The following DCTN5 variants were observed in gnomAD, a reference collection of about 807,000 sequenced individuals.
DCTN5 encodes dynactin 4.
In DCTN5, 14 loss-of-function variants were observed where a neutral mutation model predicts 23.5. That is an observed-to-expected ratio of 0.60 (90% confidence interval 0.39 to 0.93). The LOEUF (loss-of-function observed/expected upper bound fraction) is 0.93. Among genes scored for constraint, DCTN5 ranks in the 40% least tolerant of loss-of-function variants. The probability of loss-of-function intolerance (pLI) is 0.00; values close to 1 mark genes in which losing one functional copy is unlikely to be tolerated. For missense variants in DCTN5, 156 were observed against 225.9 expected, an observed-to-expected ratio of 0.69 and a Z score of 1.98; for synonymous variants, 67 against 79.6, an observed-to-expected ratio of 0.84 and a Z score of 0.84.
At chr16:23,658,720 G>A (rs1295504278) in intron 3 of DCTN5, 95 bp downstream of exon 3, 4 of 928,026 alleles carry the variant, frequency 4.3e-6, no homozygotes, top group Non-Finnish European at 7.0e-6. Flanking sequence ...GACTAGGTCT[G>A]TCCTGTTTGA....
Position 23,676,964 on chromosome 16 carries a change from G to A in DCTN5, c.*9820G>A, listed in dbSNP as rs1210361570. 1 of 152,252 alleles carries A rather than the reference G, an allele frequency of 6.6e-6. No homozygotes were observed. The highest frequency in any genetic ancestry group is 1.9e-4 in the East Asian group (1 of 5,202). The allele number at this position is 152,252 out of a possible 1,614,324, so 9.4% of individuals were successfully genotyped here. On this transcript the variant is annotated 3_prime_UTR_variant, in exon 6 of 6. Transcript: ENST00000300087. ...GGAGTCAGATTTTCATATGTGTTAGGCAGAGGATGAGGTGAGCAGCTCCCA... is the reference window on the plus strand; with the variant it reads ...GGAGTCAGATTTTCATATGTGTTAGACAGAGGATGAGGTGAGCAGCTCCCA...
chr16:23,666,875 T>C (rs550793576), intron 5 of DCTN5, 172 bp from the exon 6 acceptor site: 1 of 995,282 alleles, frequency 1.0e-6, no homozygotes, highest in Non-Finnish European at 1.4e-6. Flanking sequence ...GGGGTCCTGC[T>C]GTGAAAAAGT....
intron 2 of DCTN5, among the ~76,000 whole-genome samples, chr16:23,645,135 A>AT (rs1967424901): frequency 4.0e-5 from 1 of 24,810 alleles, no homozygotes; most frequent in Non-Finnish European, 6.6e-5. Context: ...ATATATATAT[A>AT]TATTTTTTTT....
chr16:23,642,287 G>A (rs1402935168), intron 1 of DCTN5, among the ~76,000 whole-genome samples: 1 of 152,160 alleles, frequency 6.6e-6, no homozygotes, highest in Non-Finnish European at 1.5e-5. Flanking sequence ...TGGAAACAGG[G>A]CAAGTGGTCA....
At position 23,641,608 on chromosome 16, in the gene DCTN5, T is replaced by G; in HGVS notation, c.48+18T>G. ...TCGAGACGGTGCGCGGGTCCAGATA[T>G]GTATCCTCCTCTTTCCAACCCTGCG... is the stretch of plus-strand genomic sequence containing the variant. On this transcript the variant is annotated intron_variant, in intron 1 of 5. Transcript: ENST00000300087. 6.2e-7 allele frequency: 1 copy of G among 1,613,776 alleles called. No homozygotes were observed. The highest frequency in any genetic ancestry group is 8.5e-7 in the Non-Finnish European group (1 of 1,179,808).
rs946433114 is a variant in DCTN5, at chr16:23,671,970, C to T, written c.*4826C>T. ...TTCACACCCACTCTGGCTTTCATAC[C>T]ATGGGTCTGAACATTAGCCCATGGT... is the stretch of plus-strand genomic sequence containing the variant. On this transcript the variant is annotated 3_prime_UTR_variant, in exon 6 of 6. Transcript: ENST00000300087. 6.6e-6 allele frequency: 1 copy of T among 152,130 alleles called. No individual in the cohort carries two copies. The highest frequency in any genetic ancestry group is 1.5e-5 in the Non-Finnish European group (1 of 68,042). The allele number at this position is 152,130 out of a possible 1,614,324, so 9.4% of individuals were successfully genotyped here.
In DCTN5 at chr16:23,673,198, A is replaced by T. The variant is rs1174121076; in HGVS notation, c.*6054A>T. On this transcript the variant is annotated 3_prime_UTR_variant, in exon 6 of 6. Transcript: ENST00000300087. ...TTGACAAGGATGGGAATATGAGAAC[A>T]TGGAAACAGCTATGAAAAGACATAA... 1 of 152,104 alleles carries T rather than the reference A, an allele frequency of 6.6e-6. No homozygotes were observed. The highest frequency in any genetic ancestry group is 2.4e-5 in the African/African-American group (1 of 41,452). The allele number at this position is 152,104 out of a possible 1,614,324, so 9.4% of individuals were successfully genotyped here.
intron 2 of DCTN5, among the ~76,000 whole-genome samples, chr16:23,647,463 A>G (rs1475047509): frequency 6.7e-6 from 1 of 149,140 alleles, no homozygotes; most frequent in African/African-American, 2.5e-5. Flanking sequence ...TTGTTCTTTT[A>G]TAAGATTGTT....
chr16:23,646,516 C>A (rs1447720040), intron 2 of DCTN5, among the ~76,000 whole-genome samples: 1 of 151,850 alleles, frequency 6.6e-6, no homozygotes, highest in Non-Finnish European at 1.5e-5. Context: ...GCCGTGTTTT[C>A]TTCTAAGAGC....
At chr16:23,641,715 C>T in intron 1 of DCTN5, 125 bp downstream of exon 1, 1 of 969,924 alleles carries the variant, frequency 1.0e-6, no homozygotes, top group Non-Finnish European at 1.6e-6. Context: ...CCCGGATTAT[C>T]TAGCGATGCC....
At chr16:23,666,724 A>G (rs1967913010) in intron 5 of DCTN5, 2 of 463,840 alleles carry the variant, frequency 4.3e-6, no homozygotes, top group South Asian at 7.7e-5. Flanking sequence ...CATCTCTCAG[A>G]TCATTGAATC....
intron 4 of DCTN5, among the ~76,000 whole-genome samples, chr16:23,664,126 G>T (rs541408171): frequency 6.6e-6 from 1 of 152,356 alleles, no homozygotes; most frequent in East Asian, 1.9e-4. Context: ...GAGGTCACCA[G>T]GGAAGATAGT....
rs578065145 is a variant in DCTN5 at position 23,676,686 on chromosome 16, G to A, written c.*9542G>A. 2.0e-5 allele frequency: 3 copies of A among 152,202 alleles called. No homozygotes were observed. Among genetic ancestry groups the A allele is most frequent in the Admixed American group, 1.3e-4 (2 of 15,280 alleles). The allele number at this position is 152,202 out of a possible 1,614,324, so 9.4% of individuals were successfully genotyped here. A position where few individuals can be genotyped will look rare whatever the true frequency, so the allele number is the denominator to read the frequency against. On this transcript the variant is annotated 3_prime_UTR_variant, in exon 6 of 6. Transcript: ENST00000300087. ...CCAGGAAGAACTGAGGTCCATATTT[G>A]AGGTTGGTCTCACCCTTTTGCATGT...
chr16:23,642,355 T>C (rs1300742730), intron 1 of DCTN5, among the ~76,000 whole-genome samples: 2 of 152,232 alleles, frequency 1.3e-5, no homozygotes, highest in East Asian at 1.9e-4. Context: ...CTGATACTCA[T>C]AGTCATTATC....
At position 23,665,732 on chromosome 16, in the gene DCTN5, AC is replaced by A. The variant is rs754327294; in HGVS notation, c.451+6del. The A allele has an allele frequency of 6.2e-7, 1 of 1,609,282 alleles. No homozygotes were observed. Among genetic ancestry groups the A allele is most frequent in the Admixed American group, 1.7e-5 (1 of 59,050 alleles). Reference sequence around the variant, plus strand: ...ACTGTCTTCTCAGGCTGCCCAGGTAACCTTGGCTGTTGATTAATTTTATTTT... The same window carrying A: ...ACTGTCTTCTCAGGCTGCCCAGGTAACTTGGCTGTTGATTAATTTTATTTT... On this transcript the variant is annotated splice_donor_5th_base_variant and intron_variant, in intron 5 of 5. Transcript: ENST00000300087.
intron 2 of DCTN5, among the ~76,000 whole-genome samples, chr16:23,648,353 T>TC (rs1460521912): frequency 2.7e-5 from 4 of 146,102 alleles, no homozygotes; most frequent in Non-Finnish European, 6.0e-5. Context: ...TCTTTTTTTT[T>TC]TTTTTTTTTT....
intron 2 of DCTN5, among the ~76,000 whole-genome samples, chr16:23,654,224 C>T (rs1427488708): frequency 2.0e-5 from 3 of 152,118 alleles, no homozygotes; most frequent in Non-Finnish European, 4.4e-5. Flanking sequence ...CATGTGCACA[C>T]ATATATTCAT....
chr16:23,667,128 C>G lies in DCTN5; in HGVS notation c.533C>G (p.Pro178Arg), dbSNP rs1293260312. ...AAGAGCTACTACCAGAAGTTTTTGC[C>G]CCTGACGCAAGTCTAGCATCTCTGC... ...VTKSYYQKFLPLTQV is the reference protein window; with the variant it reads ...VTKSYYQKFLRLTQV Residue 178 changes from proline to arginine, a missense_variant, in exon 6 of 6, where the codon CCC becomes CGC. Around this residue, in one of 2 missense-constraint regions of DCTN5, gnomAD observed 3 missense variants for 19.0 expected, o/e 0.16. Transcript: ENST00000300087. 6.2e-7 allele frequency: 1 copy of G among 1,612,454 alleles called. No homozygotes were observed. Among genetic ancestry groups the G allele is most frequent in the African/African-American group, 1.3e-5 (1 of 74,816 alleles).
chr16:23,653,751 A>G (rs911073792), intron 2 of DCTN5, among the ~76,000 whole-genome samples: 1 of 152,212 alleles, frequency 6.6e-6, no homozygotes, highest in African/African-American at 2.4e-5. Flanking sequence ...AACTATTAAC[A>G]GGGTAAACAG....
Sources: gnomAD v4.1 joint callset for allele counts (sites outside exome capture counted in the v4.1 genomes callset) on GRCh38, gnomAD v4.1.1 for gene constraint, gnomAD v4.1.1 regional missense constraint, MANE v1.5 for transcripts, NCBI Gene and HGNC (gene_info 2026-07-23, HGNC 2026-07-21) for gene names.